The following SLC39A10 variants were observed in gnomAD, a reference collection of about 807,000 sequenced individuals.
The protein encoded by SLC39A10 is solute carrier family 39 member 10, also known as zinc transporter ZIP10.
Under a neutral mutation model 65.1 loss-of-function variants are expected in SLC39A10, and 13 were observed. The observed-to-expected ratio is 0.20, with a 90% CI of 0.13 to 0.32. The LOEUF (loss-of-function observed/expected upper bound fraction) is 0.32, where lower values mean the gene tolerates loss of function less well. SLC39A10 is among the 10% of genes least tolerant of loss of function. SLC39A10 has a pLI of 1.00. For synonymous variants in SLC39A10, 321 were observed against 342.2 expected (o/e 0.94, Z 0.68); for missense variants, 831 against 1,018.4 (o/e 0.82, Z 2.50).
In SLC39A10 at chr2:195,728,229, C is replaced by T. The variant is rs781285055; in HGVS notation, c.2217C>T (p.Ala739=). The part of the protein sequence containing the change: ...KQAIVYNLLS[A]MMAYIGMLIG... ...CAATTGTATACAACCTCCTCTCTGC[C>T]ATGATGGCTTACATAGGCATGCTCA... Residue 739 remains alanine (A), a synonymous_variant, in exon 9 of 10, where the codon GCC becomes GCT. Transcript: ENST00000359634. The surrounding 1 kb of genome is among the most constrained non-coding windows in gnomAD (Gnocchi z 4.4). 5 of 1,614,014 alleles carry T rather than the reference C, an allele frequency of 3.1e-6. No individual in the cohort carries two copies. In the South Asian group the frequency reaches 5.5e-5, roughly 18 times the overall value.
At position 195,719,785 on chromosome 2, in the gene SLC39A10, A is replaced by AT. The variant is rs199564422; in HGVS notation, c.2146+1458dup. Among the ~76,000 whole-genome samples, 263 of 134,462 alleles carry AT rather than the reference A, an allele frequency of 2.0e-3. 5 individuals are homozygous for AT. Among genetic ancestry groups the AT allele is most frequent in the East Asian group, 0.015 (70 of 4,646 alleles). 88.2% of individuals were successfully genotyped at this position (134,462 alleles called of 152,430 possible). ...AGGCATGGGCCACTACGCCTGGCTA[A>AT]TTTTTGTTTTTTTTTTTTTTTCGAG... is the stretch of plus-strand genomic sequence containing the variant. On this transcript the variant is annotated intron_variant, in intron 8 of 9. Transcript: ENST00000359634.
At chr2:195,700,665 G>A (rs1447479556) in intron 3 of SLC39A10, among the ~76,000 whole-genome samples, 1 of 152,102 alleles carries the variant, frequency 6.6e-6, no homozygotes, top group East Asian at 1.9e-4. Flanking sequence ...CCTCACTTTT[G>A]AACGTCAATT....
chr2:195,654,627 T>G (rs1255833590), upstream of SLC39A10, among the ~76,000 whole-genome samples: 1 of 152,198 alleles, frequency 6.6e-6, no homozygotes, highest in Non-Finnish European at 1.5e-5. Flanking sequence ...TATACTATTT[T>G]TATAGTTGAG....
At chr2:195,679,120 C>A (rs1205329014) in intron 1 of SLC39A10, among the ~76,000 whole-genome samples, 1 of 152,152 alleles carries the variant, frequency 6.6e-6, no homozygotes, top group East Asian at 1.9e-4. Flanking sequence ...AATTTTAGTT[C>A]ATTTAAGTAC....
intron 5 of SLC39A10, 86 bp from the exon 6 acceptor site, chr2:195,713,347 T>C (rs1017735020): frequency 4.5e-5 from 48 of 1,074,202 alleles, no homozygotes; most frequent in Non-Finnish European, 5.3e-5. Context: ...CATTTTTACC[T>C]GTAGGTGTTA....
chr2:195,627,189 G>GACT (rs1688491381), intron 2 of SLC39A10, among the ~76,000 whole-genome samples: 1 of 152,102 alleles, frequency 6.6e-6, no homozygotes, highest in Non-Finnish European at 1.5e-5. Flanking sequence ...AATGACTCTA[G>GACT]AGAGTTTAGT....
In SLC39A10 at chr2:195,737,089, T is replaced by G. The variant is rs571146826; in HGVS notation, c.*2048T>G. 6.5e-6 allele frequency: 1 copy of G among 152,682 alleles called. No individual in the cohort carries two copies. Among genetic ancestry groups the G allele is most frequent in the South Asian group, 2.1e-4 (1 of 4,824 alleles). 9.5% of individuals were successfully genotyped at this position (152,682 alleles called of 1,614,324 possible). A position where few individuals can be genotyped will look rare whatever the true frequency, so the allele number is the denominator to read the frequency against. ...TTATGCTGAAGTATATAAAGAAGTT[T>G]TATATTCTCTCAAAAATGGTATTAT... On this transcript the variant is annotated 3_prime_UTR_variant, in exon 10 of 10. Transcript: ENST00000359634.
At chr2:195,679,980 G>C (rs1574261876) in intron 1 of SLC39A10, 52 bp from the exon 2 acceptor site, 2 of 1,422,090 alleles carry the variant, frequency 1.4e-6, no homozygotes, top group East Asian at 4.7e-5. Context: ...AGATTGTTTT[G>C]AATGTGTCTA....
chr2:195,613,231 G>A (rs1366884013), intron 2 of SLC39A10, among the ~76,000 whole-genome samples: 2 of 151,510 alleles, frequency 1.3e-5, no homozygotes, highest in Non-Finnish European at 1.5e-5. Context: ...TTTCTTTCTC[G>A]GAGATGCCTT....
At chr2:195,707,908 A>C (rs1691464282) in intron 4 of SLC39A10, among the ~76,000 whole-genome samples, 1 of 152,210 alleles carries the variant, frequency 6.6e-6, no homozygotes, top group African/African-American at 2.4e-5. Flanking sequence ...ACCTAAGTGC[A>C]GTTATCTAAC....
intron 2 of SLC39A10, among the ~76,000 whole-genome samples, chr2:195,683,155 C>CTTTTTTTT (rs11386545): frequency 6.8e-6 from 1 of 148,118 alleles, no homozygotes. Flanking sequence ...TTTAAGCTTA[C>CTTTTTTTT]TTTTTTTTTT....
chr2:195,692,950 T>C (rs1379410266), intron 3 of SLC39A10, among the ~76,000 whole-genome samples: 8 of 152,194 alleles, frequency 5.3e-5, no homozygotes, highest in Admixed American at 5.2e-4. Flanking sequence ...TAGTATAATA[T>C]TAGCCGTGGG....
chr2:195,715,621 A>G (rs1429552186), intron 6 of SLC39A10, among the ~76,000 whole-genome samples: 2 of 152,128 alleles, frequency 1.3e-5, no homozygotes, highest in Non-Finnish European at 2.9e-5. Flanking sequence ...TAAAGAAGCA[A>G]TACAGCATAG....
At chr2:195,730,493 T>A (rs576108424) in intron 9 of SLC39A10, among the ~76,000 whole-genome samples, 1 of 152,240 alleles carries the variant, frequency 6.6e-6, no homozygotes, top group African/African-American at 2.4e-5. Flanking sequence ...TCACGCCCAG[T>A]CTTTTGTCAG....
At chr2:195,690,624 C>A (rs923465101) in intron 3 of SLC39A10, among the ~76,000 whole-genome samples, 1 of 152,084 alleles carries the variant, frequency 6.6e-6, no homozygotes, top group African/African-American at 2.4e-5. Context: ...AAGATTAGTG[C>A]TGTTGAGCAT....
Position 195,680,883 on chromosome 2 carries a change from C to T in SLC39A10, c.841C>T (p.His281Tyr). ...RVHNPGHSHV[H>Y]LPERNGHDPG... The stretch of plus-strand genomic sequence containing the variant: ...ACATAACCCAGGTCATTCTCATGTA[C>T]ATCTTCCAGAACGTAATGGTCATGA... The change falls in exon 2 of 10, where the codon CAT becomes TAT. Residue 281 changes from histidine to tyrosine, a missense_variant. His to Tyr is a moderately conservative substitution (Grantham distance 83). Coordinates refer to ENST00000359634, the MANE Select transcript of SLC39A10 (RefSeq NM_020342.3). 6.2e-7 allele frequency: 1 copy of T among 1,614,100 alleles called. No homozygotes were observed. The highest frequency in any genetic ancestry group is 8.5e-7 in the Non-Finnish European group (1 of 1,180,026).
At chr2:195,685,729 C>G (rs183348763) in intron 3 of SLC39A10, among the ~76,000 whole-genome samples, 42 of 152,318 alleles carry the variant, frequency 2.8e-4, no homozygotes, top group African/African-American at 9.6e-4. Context: ...CTCTAGATGT[C>G]TCCCTCATAG....
At chr2:195,630,136 T>TG (rs1240129062) in intron 2 of SLC39A10, among the ~76,000 whole-genome samples, 51 of 145,488 alleles carry the variant, frequency 3.5e-4, no homozygotes, top group South Asian at 8.7e-4. Flanking sequence ...TGTGTGTGTA[T>TG]GGTTTGGGTT....
intron 9 of SLC39A10, among the ~76,000 whole-genome samples, chr2:195,731,565 C>T (rs552540311): frequency 6.6e-6 from 1 of 151,962 alleles, no homozygotes; most frequent in African/African-American, 2.4e-5. Context: ...GTTAGTATTT[C>T]CTTACATCTG....
Sources: allele counts gnomAD v4.1 joint callset (sites outside exome capture counted in the v4.1 genomes callset), GRCh38; gene constraint gnomAD v4.1.1; non-coding constraint Gnocchi (gnomAD v3.1); transcripts MANE v1.5; gene names NCBI Gene and HGNC (gene_info 2026-07-23, HGNC 2026-07-21).